DOCK1: variants seen among roughly 807,000 people sequenced by gnomAD.
DOCK1 encodes dedicator of cytokinesis 1.
A neutral mutation model predicts 262.7 loss-of-function variants in DOCK1; 138 were observed. The observed-to-expected ratio is 0.53, with a 90% CI of 0.46 to 0.61. The LOEUF is 0.61. DOCK1 is among the 20% of genes least tolerant of loss of function. The probability of loss-of-function intolerance (pLI) is 0.00; values close to 1 mark genes in which losing one functional copy is unlikely to be tolerated. For synonymous variants in DOCK1, 866 were observed against 867.4 expected (o/e 1.00, Z 0.03); for missense variants, 1,908 against 2,370.7 (o/e 0.80, Z 4.05).
chr10:126,919,248 C>G (rs1031997987), intron 1 of DOCK1, among the ~76,000 whole-genome samples: 2 of 152,200 alleles, frequency 1.3e-5, no homozygotes, highest in Non-Finnish European at 1.5e-5. Flanking sequence ...ACTTATCAAC[C>G]TCTTTTTTAT....
chr10:127,249,002 G>A (rs1019568440), intron 28 of DOCK1, among the ~76,000 whole-genome samples: 36 of 152,168 alleles, frequency 2.4e-4, no homozygotes, highest in African/African-American at 6.5e-4. Flanking sequence ...GTTTCATCCC[G>A]AAACCTGCCC....
rs183999531 is a variant in DOCK1 at position 127,169,208 on chromosome 10, G to A, written c.2847+41444G>A. ...TATATGTGTGTCATACACACACAGA[G>A]TTCCAAAGCAGGACCCCAGGTTGTA... is the stretch of plus-strand genomic sequence containing the variant. On this transcript the variant is annotated intron_variant, in intron 27 of 51. Coordinates refer to ENST00000623213, the MANE Select transcript of DOCK1 (RefSeq NM_001290223.2). Among the ~76,000 whole-genome samples the A allele has an allele frequency of 3.3e-5, 5 of 152,260 alleles. No homozygotes were observed. In the East Asian group the frequency reaches 5.8e-4, roughly 18 times the overall value.
At chr10:126,967,813 A>T (rs1004517442) in intron 1 of DOCK1, among the ~76,000 whole-genome samples, 1 of 151,944 alleles carries the variant, frequency 6.6e-6, no homozygotes, top group Admixed American at 6.6e-5. Flanking sequence ...CAAGATCCTA[A>T]TTTTTTCTTT....
At position 127,175,594 on chromosome 10, in the gene DOCK1, G is replaced by A; in HGVS notation, c.2847+47830G>A. 6.2e-7 allele frequency: 1 copy of A among 1,612,534 alleles called. No individual in the cohort carries two copies. The highest frequency in any genetic ancestry group is 8.5e-7 in the Non-Finnish European group (1 of 1,179,916). ...GCGGCTGCAGAGTCTGACAAACCAG[G>A]CTCGGGGGCCCTGGCACTGAGGGCA... On this transcript the variant is annotated intron_variant, in intron 27 of 51. Coordinates refer to ENST00000623213, the MANE Select transcript of DOCK1 (RefSeq NM_001290223.2). This position sits in a 1 kb window ranked among gnomAD's most constrained non-coding sequence, Gnocchi z 6.3.
At chr10:127,166,386 A>G (rs2054093374) in intron 27 of DOCK1, among the ~76,000 whole-genome samples, 2 of 152,300 alleles carry the variant, frequency 1.3e-5, no homozygotes, top group South Asian at 4.1e-4. Context: ...CTGCATTTTC[A>G]TTAGTTCATG....
chr10:127,034,335 C>G (rs1387449426), intron 18 of DOCK1, among the ~76,000 whole-genome samples: 2 of 152,076 alleles, frequency 1.3e-5, no homozygotes, highest in Non-Finnish European at 2.9e-5. Context: ...TGCAGGGGAA[C>G]TTCTCTTTTT....
intron 12 of DOCK1, among the ~76,000 whole-genome samples, chr10:127,018,307 C>T (rs2042164353): frequency 6.6e-6 from 1 of 152,214 alleles, no homozygotes; most frequent in Non-Finnish European, 1.5e-5. Context: ...CCAGAATCCT[C>T]CCCTGCCTTT....
At position 126,995,760 on chromosome 10, in the gene DOCK1, C is replaced by T. The variant is rs1163985275; in HGVS notation, c.474-988C>T. On this transcript the variant is annotated intron_variant, in intron 6 of 51. Coordinates refer to ENST00000623213, the MANE Select transcript of DOCK1 (RefSeq NM_001290223.2). The surrounding 1 kb of genome is among the most constrained non-coding windows in gnomAD (Gnocchi z 5.8). ...TGTTGCTTGTGTTTTTAGTTGGTGA[C>T]TACATTTAGCCATCTGGCCAGGAAG... 1.3e-5 allele frequency among the ~76,000 whole-genome samples: 2 copies of T among 152,226 alleles called. No individual in the cohort carries two copies. The highest frequency in any genetic ancestry group is 1.3e-4 in the Admixed American group (2 of 15,278).
At chr10:126,956,075 T>C (rs1253340023) in intron 1 of DOCK1, among the ~76,000 whole-genome samples, 15 of 152,290 alleles carry the variant, frequency 9.8e-5, no homozygotes, top group Admixed American at 8.5e-4. Context: ...AGTTTCGGTC[T>C]GCAAGTATGG....
chr10:127,047,664 C>T (rs2044438795), intron 21 of DOCK1, among the ~76,000 whole-genome samples: 1 of 152,162 alleles, frequency 6.6e-6, no homozygotes, highest in Non-Finnish European at 1.5e-5. Flanking sequence ...CTTGGCCTAT[C>T]TGAGCCCATC....
In DOCK1 at chr10:127,175,499, C is replaced by G; in HGVS notation, c.2847+47735C>G. ...AGCAGGCCAGGGCAGTTTCCGAGGG[C>G]GCCTGGAGCCCGTTGAGATGTGTGG... is the stretch of plus-strand genomic sequence containing the variant. On this transcript the variant is annotated intron_variant, in intron 27 of 51. Coordinates refer to ENST00000623213, the MANE Select transcript of DOCK1 (RefSeq NM_001290223.2). The surrounding 1 kb of genome is among the most constrained non-coding windows in gnomAD (Gnocchi z 6.3). 1 of 1,608,688 alleles carries G rather than the reference C, an allele frequency of 6.2e-7. No homozygotes were observed. The highest frequency in any genetic ancestry group is 8.5e-7 in the Non-Finnish European group (1 of 1,179,990).
At position 127,373,863 on chromosome 10, in the gene DOCK1, A is replaced by G; in HGVS notation, c.3515A>G (p.Lys1172Arg). ...GAACAGTACAAAGTGTTATTTGATA[A>G]AATGTAAGTGTTGATTAGCAGTGGG... ...GDEQYKVLFD[K>R]ILLEHCRKHK... The change falls in exon 34 of 52, where the codon AAA becomes AGA. Residue 1172 changes from lysine (K) to arginine (R), a missense_variant. Lys to Arg is a conservative substitution (Grantham distance 26). Transcript: ENST00000623213. 1.2e-6 allele frequency: 2 copies of G among 1,605,066 alleles called. No individual in the cohort carries two copies. Among genetic ancestry groups the G allele is most frequent in the South Asian group, 1.1e-5 (1 of 88,940 alleles).
intron 27 of DOCK1, among the ~76,000 whole-genome samples, chr10:127,242,809 C>T (rs554308174): frequency 1.1e-4 from 17 of 152,232 alleles, no homozygotes; most frequent in Middle Eastern, 6.8e-3. Context: ...AGTGAAAACA[C>T]GGTTAAACTT....
At chr10:127,071,286 C>T (rs535226057) in intron 23 of DOCK1, among the ~76,000 whole-genome samples, 2 of 152,182 alleles carry the variant, frequency 1.3e-5, no homozygotes, top group East Asian at 1.9e-4. Context: ...TCTTCCTGCC[C>T]GCTCTGGAGG....
intron 23 of DOCK1, among the ~76,000 whole-genome samples, chr10:127,104,970 T>C (rs2048449025): frequency 6.6e-6 from 1 of 152,164 alleles, no homozygotes; most frequent in Non-Finnish European, 1.5e-5. Flanking sequence ...CCAAATCTCA[T>C]CTTGAATTGT....
rs577603656 is a variant in DOCK1, at chr10:127,171,376, A to G, written c.2847+43612A>G. 3.3e-5 allele frequency among the ~76,000 whole-genome samples: 5 copies of G among 152,350 alleles called. No homozygotes were observed. The East Asian group carries it at 9.6e-4, about 29-fold the overall frequency. On this transcript the variant is annotated intron_variant, in intron 27 of 51. Coordinates refer to ENST00000623213, the MANE Select transcript of DOCK1 (RefSeq NM_001290223.2). ...ATTTTACAATAAACATGTTCTAAGA[A>G]ACATACATTGCCCAGGGCCATCAGC...
At chr10:126,956,408 A>G (rs1029398235) in intron 1 of DOCK1, among the ~76,000 whole-genome samples, 5 of 152,084 alleles carry the variant, frequency 3.3e-5, no homozygotes, top group African/African-American at 1.2e-4. Flanking sequence ...GTCTAGTTAG[A>G]AGTGACTGTA....
chr10:126,984,343 T>C (rs1172941013), intron 4 of DOCK1, among the ~76,000 whole-genome samples: 1 of 152,198 alleles, frequency 6.6e-6, no homozygotes, highest in Non-Finnish European at 1.5e-5. Context: ...ATTTTTATTT[T>C]GTATTGTGTA....
chr10:127,112,449 C>T (rs957025517), intron 25 of DOCK1, among the ~76,000 whole-genome samples: 2 of 152,166 alleles, frequency 1.3e-5, no homozygotes, highest in African/African-American at 4.8e-5. Flanking sequence ...TCCTATGCCC[C>T]ATTTCTGTTT....
Sources: gnomAD v4.1 joint callset for allele counts (sites outside exome capture counted in the v4.1 genomes callset) on GRCh38, gnomAD v4.1.1 for gene constraint, Gnocchi (gnomAD v3.1) non-coding constraint, MANE v1.5 for transcripts, NCBI Gene and HGNC (gene_info 2026-07-23, HGNC 2026-07-21) for gene names.